The following ZNF592 variants were observed in gnomAD, a reference collection of about 807,000 sequenced individuals.
ZNF592 encodes the protein spinocerebellar ataxia, autosomal recessive 5.
Under a neutral mutation model 80.3 loss-of-function variants are expected in ZNF592, and 11 were observed. The observed-to-expected ratio is 0.14, with a 90% CI of 0.09 to 0.23. The LOEUF (loss-of-function observed/expected upper bound fraction) is 0.23, where lower values mean the gene tolerates loss of function less well. ZNF592 is among the 10% of genes least tolerant of loss of function. The pLI is 1.00. For missense variants in ZNF592, 1,420 were observed against 1,633.9 expected (o/e 0.87, Z 2.26); for synonymous variants, 646 against 640.3 (o/e 1.01, Z -0.13).
At chr15:84,790,956 A>C in intron 5 of ZNF592, 73 bp downstream of exon 5, 1 of 1,599,518 alleles carries the variant, frequency 6.3e-7, no homozygotes, top group African/African-American at 1.3e-5. Context: ...AACTCATTTC[A>C]GATAGTTTTG....
At position 84,784,585 on chromosome 15, in the gene ZNF592, G is replaced by A. The variant is rs745684414; in HGVS notation, c.1910G>A (p.Arg637His). 195 of 1,614,066 alleles carry A rather than the reference G, an allele frequency of 1.2e-4. No individual in the cohort carries two copies. The highest frequency in any genetic ancestry group is 1.6e-4 in the Non-Finnish European group (193 of 1,180,040). ...AAGTGCAGCCTGCTCCGGCACGCCC[G>A]TGACCACAAGAGCAAGGGGCTCGTC... Reference protein sequence around the residue: ...FNKCSLLRHARDHKSKGLVMQ... With the variant: ...FNKCSLLRHAHDHKSKGLVMQ... The change falls in exon 4 of 11, where the codon CGT becomes CAT. Residue 637 changes from arginine (R) to histidine (H), a missense_variant. Arg to His is a conservative substitution (Grantham distance 29, BLOSUM62 0). This residue lies in a region of ZNF592 where 524 missense variants were observed against 628.3 expected (regional missense o/e 0.83). Coordinates refer to ENST00000560079, the MANE Select transcript of ZNF592 (RefSeq NM_014630.3). This position sits in a 1 kb window ranked among gnomAD's most constrained non-coding sequence, Gnocchi z 5.8.
chr15:84,782,038 A>G (rs1962435676), intron 3 of ZNF592, among the ~76,000 whole-genome samples: 2 of 152,236 alleles, frequency 1.3e-5, no homozygotes, highest in Admixed American at 6.5e-5. Context: ...TCACCAACTG[A>G]TAACAGTTTT....
chr15:84,783,521 C>T lies in ZNF592; in HGVS notation c.846C>T (p.Ser282=), dbSNP rs1359290790. Reference sequence around the variant, plus strand: ...TAAAGCCAGCTCATTCCAAGCTGTCCTCTTGTGTGGCAGCCTTGGTGGCCT... The same window carrying T: ...TAAAGCCAGCTCATTCCAAGCTGTCTTCTTGTGTGGCAGCCTTGGTGGCCT... ...QRLKPAHSKL[S]SCVAALVALQ... The change falls in exon 4 of 11, where the codon TCC becomes TCT. Residue 282 remains serine (S), a synonymous_variant. Coordinates refer to ENST00000560079, the MANE Select transcript of ZNF592 (RefSeq NM_014630.3). The surrounding 1 kb of genome is among the most constrained non-coding windows in gnomAD (Gnocchi z 5.0). 6.2e-7 allele frequency: 1 copy of T among 1,614,216 alleles called. No individual in the cohort carries two copies. Among genetic ancestry groups the T allele is most frequent in the East Asian group, 2.2e-5 (1 of 44,884 alleles).
intron 1 of ZNF592, among the ~76,000 whole-genome samples, chr15:84,759,862 G>A (rs1334028225): frequency 1.3e-5 from 2 of 152,002 alleles, no homozygotes; most frequent in African/African-American, 4.8e-5. Context: ...TGCTGGCTGG[G>A]ACATAGGGTA....
Position 84,783,452 on chromosome 15 carries a change from C to G in ZNF592, c.777C>G (p.Ala259=). 1 of 1,614,160 alleles carries G rather than the reference C, an allele frequency of 6.2e-7. No individual in the cohort carries two copies. The highest frequency in any genetic ancestry group is 2.2e-5 in the East Asian group (1 of 44,882). ...GTATTGGAGAGTCCAAGGGGCTTGC[C>G]CGGGAGCTTGGTACCTGCTCATCAG... ...SNSIGESKGL[A]RELGTCSSVP... is the part of the protein sequence containing the mutation. The change falls in exon 4 of 11, where the codon GCC becomes GCG. Residue 259 remains alanine, a synonymous_variant. Coordinates refer to ENST00000560079, the MANE Select transcript of ZNF592 (RefSeq NM_014630.3). The surrounding 1 kb of genome is among the most constrained non-coding windows in gnomAD (Gnocchi z 5.0).
In ZNF592 at chr15:84,798,407, G is replaced by C. The variant is rs1453932316; in HGVS notation, c.2669G>C (p.Gly890Ala). The C allele has an allele frequency of 6.2e-7, 1 of 1,614,190 alleles. No homozygotes were observed. Residue 890 changes from glycine to alanine, a missense_variant, in exon 7 of 11, where the codon GGC (glycine) becomes GCC (alanine). Gly to Ala is a moderately conservative substitution (Grantham distance 60, BLOSUM62 0). This residue lies in a region of ZNF592 where 331 missense variants were observed against 347.0 expected (regional missense o/e 0.95). Coordinates refer to ENST00000560079, the MANE Select transcript of ZNF592 (RefSeq NM_014630.3). The surrounding 1 kb of genome is among the most constrained non-coding windows in gnomAD (Gnocchi z 4.5). ...FYQNVSKTQV[G>A]VFKCPECPLL... The stretch of plus-strand genomic sequence containing the variant: ...CAGAATGTCAGCAAGACGCAGGTGG[G>C]CGTCTTCAAGTGCCCTGAGTGCCCA...
Position 84,799,235 on chromosome 15 carries a change from G to A in ZNF592, c.3137+25G>A, listed in dbSNP as rs1567078243. The A allele has an allele frequency of 1.2e-6, 2 of 1,606,266 alleles. No individual in the cohort carries two copies. Among genetic ancestry groups the A allele is most frequent in the Non-Finnish European group, 1.7e-6 (2 of 1,172,808 alleles). ...GGTGAGTCCCTGGGGATAGTAGTGA[G>A]GAGGCCTGAGGTTCAAAAGACTCTG... On this transcript the variant is annotated intron_variant, in intron 9 of 10. Coordinates refer to ENST00000560079, the MANE Select transcript of ZNF592 (RefSeq NM_014630.3). The surrounding 1 kb of genome is among the most constrained non-coding windows in gnomAD (Gnocchi z 4.2).
chr15:84,798,563 C>G lies in ZNF592; in HGVS notation c.2737-25C>G, dbSNP rs1962993817. Reference sequence around the variant, plus strand: ...CTGTGCATCTTTCCCCTTGCCCAGTCAGTAATCGCTCTCCCCATCCCCAGA... The same window carrying G: ...CTGTGCATCTTTCCCCTTGCCCAGTGAGTAATCGCTCTCCCCATCCCCAGA... On this transcript the variant is annotated intron_variant, in intron 7 of 10. Coordinates refer to ENST00000560079, the MANE Select transcript of ZNF592 (RefSeq NM_014630.3). This position sits in a 1 kb window ranked among gnomAD's most constrained non-coding sequence, Gnocchi z 4.5. 6 of 1,614,036 alleles carry G rather than the reference C, an allele frequency of 3.7e-6. No individual in the cohort carries two copies. Among genetic ancestry groups the G allele is most frequent in the Non-Finnish European group, 5.1e-6 (6 of 1,180,022 alleles).
At chr15:84,770,809 T>C (rs190751102) in intron 2 of ZNF592, among the ~76,000 whole-genome samples, 1 of 152,332 alleles carries the variant, frequency 6.6e-6, no homozygotes, top group East Asian at 1.9e-4. Context: ...TCTTTTGCAG[T>C]CTGTCCAGCA....
rs1963231681 is a variant in ZNF592, at chr15:84,806,298, C to G, written c.*3905C>G. On this transcript the variant is annotated 3_prime_UTR_variant, in exon 11 of 11. Transcript: ENST00000560079. ...AACTGGGCACAGGAAGCCTTGGGCC[C>G]CTGGAGGAAAAAGTTGAGACTAGGA... is the stretch of plus-strand genomic sequence containing the variant. 6.6e-6 allele frequency: 1 copy of G among 152,102 alleles called. No homozygotes were observed. Among genetic ancestry groups the G allele is most frequent in the Non-Finnish European group, 1.5e-5 (1 of 68,034 alleles). 9.4% of individuals were successfully genotyped at this position (152,102 alleles called of 1,614,324 possible). A position where few individuals can be genotyped will look rare whatever the true frequency, so the allele number is the denominator to read the frequency against.
intron 1 of ZNF592, chr15:84,753,270 A>G (rs1161196055): frequency 6.6e-6 from 1 of 152,232 alleles, no homozygotes; most frequent in African/African-American, 2.4e-5. Context: ...TGTGGCTAGC[A>G]GTGGTTGTGG....
chr15:84,781,317 G>A (rs1962416770), intron 3 of ZNF592, among the ~76,000 whole-genome samples: 1 of 151,894 alleles, frequency 6.6e-6, no homozygotes, highest in Admixed American at 6.6e-5. Flanking sequence ...CAAAGTGCTG[G>A]GATTATAGGC....
chr15:84,755,138 T>G (rs941996831), intron 1 of ZNF592, among the ~76,000 whole-genome samples: 1 of 149,374 alleles, frequency 6.7e-6, no homozygotes, highest in Admixed American at 6.7e-5. Context: ...TTTTTTTTTT[T>G]TTTTTTTAGT....
At position 84,804,121 on chromosome 15, in the gene ZNF592, G is replaced by C. The variant is rs775017672; in HGVS notation, c.*1728G>C. 1 of 152,240 alleles carries C rather than the reference G, an allele frequency of 6.6e-6. No individual in the cohort carries two copies. Among genetic ancestry groups the C allele is most frequent in the African/African-American group, 2.4e-5 (1 of 41,452 alleles). 9.4% of individuals were successfully genotyped at this position (152,240 alleles called of 1,614,324 possible). A position where few individuals can be genotyped will look rare whatever the true frequency, so the allele number is the denominator to read the frequency against. On this transcript the variant is annotated 3_prime_UTR_variant, in exon 11 of 11. Transcript: ENST00000560079. ...ACTTTCAGAGAGACTCTCGCTGTCTGCACCCTTTTAATAATTGCTCTTCCT... is the reference window on the plus strand; with the variant it reads ...ACTTTCAGAGAGACTCTCGCTGTCTCCACCCTTTTAATAATTGCTCTTCCT...
chr15:84,780,770 T>TTTGTTG lies in ZNF592; in HGVS notation c.-19-1866_-19-1861dup, dbSNP rs60093318. 2.2e-4 allele frequency among the ~76,000 whole-genome samples: 33 copies of TTTGTTG among 150,892 alleles called. 3 individuals carry two copies. The highest frequency in any genetic ancestry group is 1.8e-3 in the Admixed American group (27 of 15,114). On this transcript the variant is annotated intron_variant, in intron 3 of 10. Transcript: ENST00000560079. Reference sequence around the variant, plus strand: ...TGCTGCCTTGTGGTTCTGAGTGGGTTTTGTTGTTGTTGTTGTTGTTGTTGT... The same window carrying TTTGTTG: ...TGCTGCCTTGTGGTTCTGAGTGGGTTTTGTTGTTGTTGTTGTTGTTGTTGTTGTTGT...
Position 84,764,698 on chromosome 15 carries a change from T to C in ZNF592, c.-258-9T>C, listed in dbSNP as rs1265316089. 2.5e-6 allele frequency: 1 copy of C among 398,896 alleles called. No homozygotes were observed. The highest frequency in any genetic ancestry group is 4.4e-6 in the Non-Finnish European group (1 of 226,052). The allele number at this position is 398,896 out of a possible 1,614,324, so 24.7% of individuals were successfully genotyped here. ...CTTAAAAAAAATTTTGTTTTTCTTC[T>C]TTCCTTAGGTGGTGTTTGGACTCTA... On this transcript the variant is annotated splice_polypyrimidine_tract_variant and intron_variant, in intron 1 of 10. Transcript: ENST00000560079.
intron 10 of ZNF592, among the ~76,000 whole-genome samples, chr15:84,801,198 A>G (rs1289438417): frequency 6.6e-6 from 1 of 152,174 alleles, no homozygotes; most frequent in Non-Finnish European, 1.5e-5. Context: ...GGTGGTGTGC[A>G]CCTATAGTTC....
chr15:84,788,490 TCA>T (rs1449931302), intron 4 of ZNF592, among the ~76,000 whole-genome samples: 2 of 152,238 alleles, frequency 1.3e-5, no homozygotes, highest in Non-Finnish European at 1.5e-5. Context: ...TTAACAGTTC[TCA>T]GAGTTGTGAG....
chr15:84,795,535 A>G (rs72753043), intron 5 of ZNF592, among the ~76,000 whole-genome samples: 2,129 of 152,372 alleles, frequency 0.014, 25 homozygotes, highest in Non-Finnish European at 0.023. Flanking sequence ...TATTTCTACT[A>G]TTTCTGCAGG....
Sources: gnomAD v4.1 joint callset for allele counts (sites outside exome capture counted in the v4.1 genomes callset) on GRCh38, gnomAD v4.1.1 for gene constraint, gnomAD v4.1.1 regional missense constraint, Gnocchi (gnomAD v3.1) non-coding constraint, MANE v1.5 for transcripts, NCBI Gene and HGNC (gene_info 2026-07-23, HGNC 2026-07-21) for gene names.